LRRTM3: variants seen among roughly 807,000 people sequenced by gnomAD.
The protein encoded by LRRTM3 is leucine rich repeat transmembrane neuronal 3.
A neutral mutation model predicts 44.7 loss-of-function variants in LRRTM3; 24 were observed. The observed-to-expected ratio is 0.54, with a 90% CI of 0.39 to 0.76. LRRTM3 has a LOEUF of 0.76. LRRTM3 is among the 30% of genes least tolerant of loss of function. The pLI is 0.00. For synonymous variants in LRRTM3, 277 were observed against 278.7 expected (o/e 0.99, Z 0.06); for missense variants, 587 against 702.2 (o/e 0.84, Z 1.85).
intron 2 of LRRTM3, among the ~76,000 whole-genome samples, chr10:67,064,910 G>A (rs747429728): frequency 3.9e-5 from 6 of 152,098 alleles, no homozygotes; most frequent in Non-Finnish European, 7.4e-5. Context: ...GGAGAAAAAA[G>A]TTATATGAGG....
chr10:66,926,599 C>A lies in LRRTM3; in HGVS notation c.4+12C>A. 1 of 1,613,796 alleles carries A rather than the reference C, an allele frequency of 6.2e-7. No individual in the cohort carries two copies. Among genetic ancestry groups the A allele is most frequent in the Non-Finnish European group, 8.5e-7 (1 of 1,179,912 alleles). On this transcript the variant is annotated intron_variant, in intron 1 of 2. Coordinates refer to ENST00000361320, the MANE Select transcript of LRRTM3 (RefSeq NM_178011.5). Reference sequence around the variant, plus strand: ...AATACAAAGGATGGGTATGTTTTGTCATTTTTCTTCTTTCCTTCTTAAAAA... The same window carrying A: ...AATACAAAGGATGGGTATGTTTTGTAATTTTTCTTCTTTCCTTCTTAAAAA...
At chr10:67,041,029 G>A (rs543432282) in intron 2 of LRRTM3, among the ~76,000 whole-genome samples, 2 of 152,102 alleles carry the variant, frequency 1.3e-5, no homozygotes, top group East Asian at 3.9e-4. Flanking sequence ...AGAAAAAGCA[G>A]ATCTTTTTAC....
intron 2 of LRRTM3, among the ~76,000 whole-genome samples, chr10:66,971,298 A>T (rs113552695): frequency 2.0e-5 from 3 of 151,804 alleles, no homozygotes; most frequent in South Asian, 4.2e-4. Flanking sequence ...TGGTTGTGTG[A>T]GCCTGTAATT....
intron 2 of LRRTM3, among the ~76,000 whole-genome samples, chr10:66,991,588 G>A (rs968153795): frequency 1.3e-5 from 2 of 152,116 alleles, no homozygotes; most frequent in Admixed American, 6.5e-5. Context: ...TTTCGCTCTT[G>A]TTGCCCAGGC....
intron 2 of LRRTM3, among the ~76,000 whole-genome samples, chr10:67,082,500 A>G (rs1444944320): frequency 6.6e-6 from 1 of 152,166 alleles, no homozygotes. Context: ...TAAGGCCATA[A>G]TCTCTAGAAA....
intron 2 of LRRTM3, among the ~76,000 whole-genome samples, chr10:67,091,160 C>T (rs960026744): frequency 6.6e-6 from 1 of 151,986 alleles, no homozygotes; most frequent in South Asian, 2.1e-4. Context: ...TCCAAACACA[C>T]ATCAAATTGC....
At chr10:67,061,262 A>C (rs1040421858) in intron 2 of LRRTM3, among the ~76,000 whole-genome samples, 2 of 152,148 alleles carry the variant, frequency 1.3e-5, no homozygotes, top group Non-Finnish European at 2.9e-5. Flanking sequence ...CTCCCCAACT[A>C]TTAGCTTATT....
At chr10:66,952,966 C>T (rs1848613948) in intron 2 of LRRTM3, among the ~76,000 whole-genome samples, 1 of 151,978 alleles carries the variant, frequency 6.6e-6, no homozygotes, top group South Asian at 2.1e-4. Flanking sequence ...CCACAGAAGA[C>T]CTCCAAGTAG....
chr10:66,980,782 A>T (rs548735809), intron 2 of LRRTM3, among the ~76,000 whole-genome samples: 4 of 152,324 alleles, frequency 2.6e-5, no homozygotes, highest in African/African-American at 9.6e-5. Context: ...CTTCATGTAC[A>T]AGAGTGTTCA....
At chr10:66,943,331 T>C (rs570673580) in intron 2 of LRRTM3, among the ~76,000 whole-genome samples, 47 of 152,244 alleles carry the variant, frequency 3.1e-4, no homozygotes, top group Middle Eastern at 3.4e-3. Context: ...TTAAATCTTA[T>C]TAGATTTTTT....
intron 2 of LRRTM3, among the ~76,000 whole-genome samples, chr10:67,011,929 T>G (rs907050097): frequency 1.3e-5 from 2 of 152,100 alleles, no homozygotes; most frequent in Admixed American, 1.3e-4. Flanking sequence ...TGAAACCCAC[T>G]ATGGAGCCCC....
At chr10:67,026,120 A>C (rs1406415906) in intron 2 of LRRTM3, among the ~76,000 whole-genome samples, 4 of 128,796 alleles carry the variant, frequency 3.1e-5, no homozygotes, top group African/African-American at 8.6e-5. Context: ...GGGTGAGGGG[A>C]GGGGGGAGGG....
chr10:66,981,150 T>C (rs1850414743), intron 2 of LRRTM3, among the ~76,000 whole-genome samples: 1 of 152,110 alleles, frequency 6.6e-6, no homozygotes, highest in East Asian at 1.9e-4. Flanking sequence ...GTGATCCACC[T>C]ACCTTGGCCT....
intron 2 of LRRTM3, among the ~76,000 whole-genome samples, chr10:67,088,656 T>G (rs1015767542): frequency 6.6e-6 from 1 of 152,084 alleles, no homozygotes; most frequent in Non-Finnish European, 1.5e-5. Context: ...CAAATAGAAC[T>G]CTTAAGTTTT....
At chr10:66,936,707 A>G (rs1473311573) in intron 2 of LRRTM3, among the ~76,000 whole-genome samples, 1 of 151,958 alleles carries the variant, frequency 6.6e-6, no homozygotes, top group Non-Finnish European at 1.5e-5. Context: ...TCAGCATCCC[A>G]TTTCCATGTA....
chr10:66,974,556 T>C (rs912519463), intron 2 of LRRTM3, among the ~76,000 whole-genome samples: 1 of 152,218 alleles, frequency 6.6e-6, no homozygotes, highest in Non-Finnish European at 1.5e-5. Context: ...TGTAAGTGAA[T>C]GCTTACCTTT....
At chr10:66,996,519 G>A (rs1212890474) in intron 2 of LRRTM3, among the ~76,000 whole-genome samples, 3 of 151,768 alleles carry the variant, frequency 2.0e-5, no homozygotes, top group African/African-American at 4.8e-5. Flanking sequence ...GTGGTGGCGC[G>A]TGCCTGTAGT....
intron 2 of LRRTM3, among the ~76,000 whole-genome samples, chr10:66,943,255 G>A (rs1416842071): frequency 6.6e-6 from 1 of 152,164 alleles, no homozygotes; most frequent in African/African-American, 2.4e-5. Context: ...TAGATATTTA[G>A]CATAAACCTC....
At chr10:67,033,983 G>C (rs1925628) in intron 2 of LRRTM3, among the ~76,000 whole-genome samples, 64,175 of 151,866 alleles carry the variant, frequency 0.42, 14,127 homozygotes, top group East Asian at 0.64. Flanking sequence ...TGTTGGCCAG[G>C]CTGGTCTCAA....
Sources: gnomAD v4.1 joint callset for allele counts (sites outside exome capture counted in the v4.1 genomes callset) on GRCh38, gnomAD v4.1.1 for gene constraint, MANE v1.5 for transcripts, NCBI Gene and HGNC (gene_info 2026-07-23, HGNC 2026-07-21) for gene names.